NIPA1: variants seen among roughly 807,000 people sequenced by gnomAD.
NIPA1 encodes NIPA magnesium transporter 1.
NIPA1 carries 13 observed loss-of-function variants against 23.9 expected under a neutral mutation model. The observed-to-expected ratio is 0.54, with a 90% CI of 0.35 to 0.87. NIPA1 has a LOEUF of 0.87. Among genes scored for constraint, NIPA1 ranks in the 40% least tolerant of loss-of-function variants. NIPA1 has a pLI of 0.01. For synonymous variants in NIPA1, 234 were observed against 202.9 expected (o/e 1.15, Z -1.30); for missense variants, 362 against 429.7 (o/e 0.84, Z 1.39).
At chr15:22,818,176 C>T (rs11630043) in intron 3 of NIPA1, among the ~76,000 whole-genome samples, 34,443 of 151,856 alleles carry the variant, frequency 0.23, 4,928 homozygotes, top group Non-Finnish European at 0.32. Flanking sequence ...TGGTGGCTCA[C>T]GCCTGTAATC....
At chr15:22,805,057 G>T (rs1479130492) in intron 1 of NIPA1, among the ~76,000 whole-genome samples, 1 of 151,964 alleles carries the variant, frequency 6.6e-6, no homozygotes, top group Non-Finnish European at 1.5e-5. Context: ...AGCCAGGATG[G>T]TCTCAATCTC....
At chr15:22,794,618 G>T (rs532880360) in intron 1 of NIPA1, among the ~76,000 whole-genome samples, 1 of 152,184 alleles carries the variant, frequency 6.6e-6, no homozygotes, top group Admixed American at 6.5e-5. Context: ...GGGGAAGGGA[G>T]TTGTCTCGTG....
At chr15:22,818,892 C>G (rs1895477873) in intron 3 of NIPA1, among the ~76,000 whole-genome samples, 1 of 152,198 alleles carries the variant, frequency 6.6e-6, no homozygotes, top group South Asian at 2.1e-4. Flanking sequence ...ATACTGTCCA[C>G]TTTCGTGCAT....
Position 22,798,278 on chromosome 15 carries a change from C to T in NIPA1, c.178+11444C>T, listed in dbSNP as rs1327513834. On this transcript the variant is annotated intron_variant, in intron 1 of 4. Coordinates refer to ENST00000337435, the MANE Select transcript of NIPA1 (RefSeq NM_144599.5). Reference sequence around the variant, plus strand: ...TTTTGGAGACAGAATCTCGCTCTGTCGCCCAGGCTGGAGTGCAGTGGCGCG... The same window carrying T: ...TTTTGGAGACAGAATCTCGCTCTGTTGCCCAGGCTGGAGTGCAGTGGCGCG... 8.9e-5 allele frequency among the ~76,000 whole-genome samples: 13 copies of T among 146,358 alleles called. No individual in the cohort carries two copies. The East Asian group carries it at 1.8e-3, about 21-fold the overall frequency.
At chr15:22,820,522 C>T (rs751823758) in intron 4 of NIPA1, 49 bp downstream of exon 4, 25 of 1,455,728 alleles carry the variant, frequency 1.7e-5, no homozygotes, top group Non-Finnish European at 2.4e-5. Flanking sequence ...GTAGGAGTGC[C>T]AACTTTTTTA....
chr15:22,817,351 T>A (rs540889051), intron 3 of NIPA1, among the ~76,000 whole-genome samples: 2 of 125,904 alleles, frequency 1.6e-5, no homozygotes, highest in African/African-American at 6.1e-5. Flanking sequence ...AATACAAAAT[T>A]AGCCAAGCAT....
intron 4 of NIPA1, among the ~76,000 whole-genome samples, chr15:22,821,632 G>C (rs1443209132): frequency 7.0e-6 from 1 of 143,324 alleles, no homozygotes; most frequent in African/African-American, 2.6e-5. Context: ...TCCACACCCT[G>C]GTTTGCATGT....
intron 1 of NIPA1, among the ~76,000 whole-genome samples, chr15:22,802,952 T>C (rs1170601134): frequency 6.7e-6 from 1 of 149,198 alleles, no homozygotes; most frequent in East Asian, 1.9e-4. Context: ...GTTGATGAAC[T>C]TTTTTTTTTT....
intron 1 of NIPA1, among the ~76,000 whole-genome samples, chr15:22,797,647 G>C (rs1481146479): frequency 6.6e-6 from 1 of 151,602 alleles, no homozygotes; most frequent in Non-Finnish European, 1.5e-5. Context: ...GGGATTATAG[G>C]CATGCGCCAC....
At chr15:22,805,775 T>C (rs1895194182) in intron 1 of NIPA1, among the ~76,000 whole-genome samples, 1 of 152,218 alleles carries the variant, frequency 6.6e-6, no homozygotes, top group South Asian at 2.1e-4. Context: ...CCACTCTTGC[T>C]TGGCTTTTAT....
intron 4 of NIPA1, among the ~76,000 whole-genome samples, chr15:22,823,301 A>G (rs1213518949): frequency 7.0e-6 from 1 of 142,036 alleles, no homozygotes; most frequent in Non-Finnish European, 1.5e-5. Context: ...TGCAACCTCC[A>G]CCCCCTAGGT....
intron 1 of NIPA1, among the ~76,000 whole-genome samples, chr15:22,787,384 C>T (rs1220878008): frequency 6.6e-6 from 1 of 152,226 alleles, no homozygotes; most frequent in Non-Finnish European, 1.5e-5. Context: ...AAGACCCGGG[C>T]GGGCTCTCAG....
At chr15:22,789,986 G>A (rs1894794983) in intron 1 of NIPA1, among the ~76,000 whole-genome samples, 1 of 152,078 alleles carries the variant, frequency 6.6e-6, no homozygotes. Flanking sequence ...CAGAGACGGG[G>A]TTTCACCATG....
intron 3 of NIPA1, among the ~76,000 whole-genome samples, chr15:22,817,214 C>T (rs1895439489): frequency 7.5e-6 from 1 of 133,360 alleles, no homozygotes; most frequent in African/African-American, 3.0e-5. Flanking sequence ...AAAAAAATTA[C>T]ATCTGCCAGG....
chr15:22,825,609 A>C lies in NIPA1; in HGVS notation c.*1370A>C, dbSNP rs1895634954. The C allele has an allele frequency of 6.6e-6, 1 of 152,210 alleles. No homozygotes were observed. Among genetic ancestry groups the C allele is most frequent in the African/African-American group, 2.4e-5 (1 of 41,426 alleles). The allele number at this position is 152,210 out of a possible 1,614,324, so 9.4% of individuals were successfully genotyped here. A position where few individuals can be genotyped will look rare whatever the true frequency, so the allele number is the denominator to read the frequency against. ...ACTTGATAATAAGGCTAAGTGGGAG[A>C]GTACCTGTTCAATAGCTCATATATC... On this transcript the variant is annotated 3_prime_UTR_variant, in exon 5 of 5. Transcript: ENST00000337435.
rs189665498 is a variant in NIPA1 at position 22,804,373 on chromosome 15, G to A, written c.179-6376G>A. 3.1e-3 allele frequency among the ~76,000 whole-genome samples: 468 copies of A among 152,068 alleles called. 5 individuals carry two copies. Among genetic ancestry groups the A allele is most frequent in the South Asian group, 3.7e-3 (18 of 4,804 alleles). On this transcript the variant is annotated intron_variant, in intron 1 of 4. Coordinates refer to ENST00000337435, the MANE Select transcript of NIPA1 (RefSeq NM_144599.5). ...CCTGACCTCGTGATCCACCCGCCCC[G>A]GCCTCCTAAAGTGCTAGGATTACAG...
At position 22,786,680 on chromosome 15, in the gene NIPA1, G is replaced by GGCGGCA; in HGVS notation, c.29_30insAGCGGC (p.Ala15_Ala16dup). 1 of 541,928 alleles carries GGCGGCA rather than the reference G, an allele frequency of 1.8e-6. No individual in the cohort carries two copies. The highest frequency in any genetic ancestry group is 2.2e-6 in the Non-Finnish European group (1 of 458,138). 33.6% of individuals were successfully genotyped at this position (541,928 alleles called of 1,614,324 possible). Reference sequence around the variant, plus strand: ...GAATGGGGACTGCAGCTGCGGCAGCGGCGGCGGCGGCGGCGGCGGCGGCCG... The same window carrying GGCGGCA: ...GAATGGGGACTGCAGCTGCGGCAGCGGCGGCAGCGGCGGCGGCGGCGGCGGCGGCCG... On this transcript the variant is annotated inframe_insertion, in exon 1 of 5. Coordinates refer to ENST00000337435, the MANE Select transcript of NIPA1 (RefSeq NM_144599.5).
rs760436429 is a variant in NIPA1 at position 22,786,761 on chromosome 15, C to T, written c.105C>T (p.Ala35=). 3.3e-5 allele frequency: 44 copies of T among 1,314,626 alleles called. No individual in the cohort carries two copies. Among genetic ancestry groups the T allele is most frequent in the Non-Finnish European group, 4.4e-5 (44 of 1,011,122 alleles). 81.4% of individuals were successfully genotyped at this position (1,314,626 alleles called of 1,614,324 possible). ...PAAVSLGLGV[A]VVSSLVNGST... ...CCGTGTCGCTCGGCCTGGGCGTGGCCGTCGTGTCGAGCCTGGTGAACGGGT... is the reference window on the plus strand; with the variant it reads ...CCGTGTCGCTCGGCCTGGGCGTGGCTGTCGTGTCGAGCCTGGTGAACGGGT... Residue 35 remains alanine (A), a synonymous_variant, in exon 1 of 5, where the codon GCC becomes GCT. Coordinates refer to ENST00000337435, the MANE Select transcript of NIPA1 (RefSeq NM_144599.5).
At position 22,800,461 on chromosome 15, in the gene NIPA1, C is replaced by T. The variant is rs536728329; in HGVS notation, c.179-10288C>T. Among the ~76,000 whole-genome samples the T allele has an allele frequency of 7.9e-5, 12 of 152,188 alleles. No individual in the cohort carries two copies. In the South Asian group the frequency reaches 2.3e-3, roughly 29 times the overall value. On this transcript the variant is annotated intron_variant, in intron 1 of 4. Coordinates refer to ENST00000337435, the MANE Select transcript of NIPA1 (RefSeq NM_144599.5). ...AATCAGGATGCAGTTAAGACCTACACGTTGGGTGGTACAGCTCTTTATCAT... is the reference window on the plus strand; with the variant it reads ...AATCAGGATGCAGTTAAGACCTACATGTTGGGTGGTACAGCTCTTTATCAT...
Sources: allele counts gnomAD v4.1 joint callset (sites outside exome capture counted in the v4.1 genomes callset), GRCh38; gene constraint gnomAD v4.1.1; transcripts MANE v1.5; gene names NCBI Gene and HGNC (gene_info 2026-07-23, HGNC 2026-07-21).